The following GRM1 variants were observed in gnomAD, a reference collection of about 807,000 sequenced individuals.
GRM1 encodes metabotropic glutamate receptor 1.
GRM1 carries 33 observed loss-of-function variants against 90.9 expected under a neutral mutation model. The observed-to-expected ratio is 0.36, with a 90% CI of 0.28 to 0.49. The LOEUF (loss-of-function observed/expected upper bound fraction) is 0.49. GRM1 is among the 20% of genes least tolerant of loss of function. The pLI, the probability that GRM1 is intolerant of heterozygous loss-of-function variation, is 0.99. For missense variants in GRM1, 1,190 were observed against 1,534.3 expected (o/e 0.78, Z 3.75); for synonymous variants, 700 against 613.2 (o/e 1.14, Z -2.09).
chr6:146,053,203 AT>A (rs766871359), intron 1 of GRM1, among the ~76,000 whole-genome samples: 15 of 151,984 alleles, frequency 9.9e-5, no homozygotes, highest in African/African-American at 1.4e-4. Context: ...AGCAAATTTT[AT>A]TTTTTTATTC....
intron 1 of GRM1, among the ~76,000 whole-genome samples, chr6:146,036,105 A>T (rs1036546421): frequency 9.2e-5 from 14 of 151,950 alleles, no homozygotes; most frequent in African/African-American, 3.4e-4. Flanking sequence ...TGCCCTTATG[A>T]TATAGGGAGC....
intron 2 of GRM1, among the ~76,000 whole-genome samples, chr6:146,174,547 A>G (rs945211441): frequency 6.6e-6 from 1 of 152,204 alleles, no homozygotes; most frequent in South Asian, 2.1e-4. Flanking sequence ...ATTGAAAATT[A>G]TTATATCTAT....
At chr6:146,279,410 A>T (rs972834347) in intron 2 of GRM1, among the ~76,000 whole-genome samples, 3 of 152,134 alleles carry the variant, frequency 2.0e-5, no homozygotes, top group Non-Finnish European at 1.5e-5. Flanking sequence ...AAACACATTA[A>T]TTTTAAATAT....
At chr6:146,034,315 T>C (rs1418671137) in intron 1 of GRM1, among the ~76,000 whole-genome samples, 1 of 152,076 alleles carries the variant, frequency 6.6e-6, no homozygotes, top group African/African-American at 2.4e-5. Flanking sequence ...ATAATCTCTC[T>C]TTTGTAGTGT....
At chr6:146,373,668 G>T (rs1313480332) in intron 5 of GRM1, among the ~76,000 whole-genome samples, 2 of 152,036 alleles carry the variant, frequency 1.3e-5, no homozygotes, top group Non-Finnish European at 2.9e-5. Flanking sequence ...ATTGTTCATT[G>T]TTGTTGACAT....
Position 146,031,891 on chromosome 6 carries a change from TTAA to T in GRM1, c.700+1680_700+1682del, listed in dbSNP as rs1413069653. Among the ~76,000 whole-genome samples the T allele has an allele frequency of 7.9e-5, 12 of 152,290 alleles. No individual in the cohort carries two copies. In the East Asian group the frequency reaches 1.3e-3, roughly 17 times the overall value. ...GATTGAATGTGATTTATTTAAATAT[TTAA>T]TAATATTTCCCCCATTGAGCTAGAT... is the stretch of plus-strand genomic sequence containing the variant. On this transcript the variant is annotated intron_variant, in intron 1 of 7. Coordinates refer to ENST00000282753, the MANE Select transcript of GRM1 (RefSeq NM_001278064.2).
At chr6:146,307,372 G>A (rs1278319393) in intron 3 of GRM1, among the ~76,000 whole-genome samples, 1 of 152,002 alleles carries the variant, frequency 6.6e-6, no homozygotes, top group Non-Finnish European at 1.5e-5. Flanking sequence ...TTTTCTATTT[G>A]AATTAATTCA....
chr6:146,415,526 C>A (rs527487739), intron 7 of GRM1, among the ~76,000 whole-genome samples: 1 of 152,086 alleles, frequency 6.6e-6, no homozygotes, highest in Non-Finnish European at 1.5e-5. Context: ...TACGTTTAGT[C>A]CTGATTATGA....
chr6:146,045,133 C>T (rs369356898), intron 1 of GRM1, among the ~76,000 whole-genome samples: 7 of 151,738 alleles, frequency 4.6e-5, no homozygotes, highest in Admixed American at 1.3e-4. Flanking sequence ...CCTGCAAAAT[C>T]GTTTATATAT....
chr6:146,163,445 T>C (rs1234901792), intron 2 of GRM1, among the ~76,000 whole-genome samples: 1 of 152,188 alleles, frequency 6.6e-6, no homozygotes, highest in Non-Finnish European at 1.5e-5. Context: ...ACATAACTCA[T>C]TTAATTGTCA....
rs868768518 is a variant in GRM1 at position 146,368,254 on chromosome 6, T to A, written c.1602+10560T>A. 8.7e-4 allele frequency among the ~76,000 whole-genome samples: 113 copies of A among 129,710 alleles called. 1 individual carries two copies. The highest frequency in any genetic ancestry group is 3.0e-3 in the African/African-American group (102 of 33,710). 85.1% of individuals were successfully genotyped at this position (129,710 alleles called of 152,430 possible). ...AATTCATTTATCATTTTCTACAGTT[T>A]TTTTTTGGGGGGGGGGGTAGAATCT... On this transcript the variant is annotated intron_variant, in intron 5 of 7. Transcript: ENST00000282753.
chr6:146,049,874 G>A (rs1341011912), intron 1 of GRM1, among the ~76,000 whole-genome samples: 1 of 151,900 alleles, frequency 6.6e-6, no homozygotes, highest in Non-Finnish European at 1.5e-5. Flanking sequence ...CTAGAAGGTA[G>A]GTACTATTAT....
At chr6:146,063,729 T>C (rs894772485) in intron 1 of GRM1, among the ~76,000 whole-genome samples, 78 of 152,278 alleles carry the variant, frequency 5.1e-4, no homozygotes, top group African/African-American at 1.8e-3. Flanking sequence ...CTGCATGATA[T>C]TAATACTATA....
intron 7 of GRM1, among the ~76,000 whole-genome samples, chr6:146,422,952 G>C (rs1184234639): frequency 6.6e-6 from 1 of 151,320 alleles, no homozygotes; most frequent in East Asian, 2.0e-4. Context: ...GGAAATGGAG[G>C]AGAGGGAAAG....
At chr6:146,420,979 T>G (rs12530082) in intron 7 of GRM1, among the ~76,000 whole-genome samples, 72,173 of 151,846 alleles carry the variant, frequency 0.48, 17,260 homozygotes, top group South Asian at 0.6. Flanking sequence ...TACAAAGTAT[T>G]CATCAGGATA....
At chr6:146,292,995 C>A (rs1783042719) in intron 2 of GRM1, among the ~76,000 whole-genome samples, 1 of 151,820 alleles carries the variant, frequency 6.6e-6, no homozygotes, top group Non-Finnish European at 1.5e-5. Context: ...AAACATCATG[C>A]TAAATAAAAG....
chr6:146,396,626 T>C (rs375217036), intron 6 of GRM1, among the ~76,000 whole-genome samples: 156 of 152,138 alleles, frequency 1.0e-3, no homozygotes, highest in African/African-American at 3.6e-3. Context: ...CAGAAAAATA[T>C]GGTTCAAAAC....
chr6:146,286,448 A>T (rs930930180), intron 2 of GRM1, among the ~76,000 whole-genome samples: 8 of 152,198 alleles, frequency 5.3e-5, no homozygotes, highest in Non-Finnish European at 1.2e-4. Context: ...ATTAGATTGG[A>T]TTTAGATAGA....
intron 2 of GRM1, among the ~76,000 whole-genome samples, chr6:146,220,266 TTGAAA>T (rs1780016654): frequency 6.6e-6 from 1 of 152,186 alleles, no homozygotes; most frequent in African/African-American, 2.4e-5. Flanking sequence ...ATTCTGTCAC[TTGAAA>T]TGAGATGTAC....
Sources: allele counts gnomAD v4.1 joint callset (sites outside exome capture counted in the v4.1 genomes callset), GRCh38; gene constraint gnomAD v4.1.1; transcripts MANE v1.5; gene names NCBI Gene and HGNC (gene_info 2026-07-23, HGNC 2026-07-21).